BNC2: variants seen among roughly 807,000 people sequenced by gnomAD.
BNC2 encodes the protein basonuclin zinc finger protein 2, also known as zinc finger protein basonuclin-2.
BNC2 carries 20 observed loss-of-function variants against 76.3 expected under a neutral mutation model. That is an observed-to-expected ratio of 0.26 (90% CI 0.18 to 0.38). BNC2 has a LOEUF of 0.38. BNC2 is among the 10% of genes least tolerant of loss of function. BNC2 has a pLI of 1.00. For synonymous variants in BNC2, 582 were observed against 514.8 expected (o/e 1.13, Z -1.77); for missense variants, 1,382 against 1,399.8 (o/e 0.99, Z 0.20).
At chr9:16,469,355 G>A (rs1280904916) in intron 5 of BNC2, among the ~76,000 whole-genome samples, 3 of 152,142 alleles carry the variant, frequency 2.0e-5, no homozygotes, top group Admixed American at 6.5e-5. Flanking sequence ...TGCTGTTCTC[G>A]AGATAGTGAT....
chr9:16,603,740 A>C (rs1820303956), intron 3 of BNC2, among the ~76,000 whole-genome samples: 1 of 152,208 alleles, frequency 6.6e-6, no homozygotes, highest in South Asian at 2.1e-4. Context: ...CACTATCAAC[A>C]TCCCAAACCT....
intron 3 of BNC2, among the ~76,000 whole-genome samples, chr9:16,632,671 C>CT (rs1442599255): frequency 6.6e-6 from 1 of 152,194 alleles, no homozygotes; most frequent in African/African-American, 2.4e-5. Flanking sequence ...TAGAACACAT[C>CT]TTTGCTCACC....
chr9:16,629,154 C>A (rs970625703), intron 3 of BNC2, among the ~76,000 whole-genome samples: 4 of 152,130 alleles, frequency 2.6e-5, no homozygotes, highest in Admixed American at 6.6e-5. Context: ...GGAAGGTTTA[C>A]CTTTTATGTT....
chr9:16,420,645 T>A (rs1432801914), intron 6 of BNC2, among the ~76,000 whole-genome samples: 1 of 151,966 alleles, frequency 6.6e-6, no homozygotes, highest in Non-Finnish European at 1.5e-5. Flanking sequence ...TTTATTCTAC[T>A]CACTCAGTGC....
At chr9:16,863,080 A>G (rs561779765) in intron 1 of BNC2, among the ~76,000 whole-genome samples, 2 of 151,738 alleles carry the variant, frequency 1.3e-5, no homozygotes, top group South Asian at 4.2e-4. Flanking sequence ...ACGCCCAGCT[A>G]ATTTTTGTAT....
chr9:16,516,283 G>A (rs902759580), intron 5 of BNC2, among the ~76,000 whole-genome samples: 6 of 151,510 alleles, frequency 4.0e-5, no homozygotes, highest in South Asian at 2.1e-4. Flanking sequence ...TGTAGATAAC[G>A]TTCTTGTGAT....
At chr9:16,614,946 A>G (rs1466201617) in intron 3 of BNC2, among the ~76,000 whole-genome samples, 1 of 100,858 alleles carries the variant, frequency 9.9e-6, no homozygotes, top group Non-Finnish European at 1.9e-5. Flanking sequence ...ACAGAGTGAG[A>G]CTCTGTCTCT....
chr9:16,429,840 TGGA>T, intron 6 of BNC2: 1 of 455,756 alleles, frequency 2.2e-6, no homozygotes, highest in South Asian at 1.6e-5. Flanking sequence ...GTTCTTGTAG[TGGA>T]GGAGTGAAAG....
intron 1 of BNC2, among the ~76,000 whole-genome samples, chr9:16,847,389 G>A (rs546556684): frequency 3.0e-3 from 145 of 48,954 alleles, no homozygotes; most frequent in Non-Finnish European, 6.8e-3. Flanking sequence ...TCTCTCTGAA[G>A]ATTTCTCGGG....
chr9:16,779,964 T>C (rs4623533), intron 1 of BNC2, among the ~76,000 whole-genome samples: 70,959 of 151,852 alleles, frequency 0.47, 22,100 homozygotes, highest in Non-Finnish European at 0.7. Flanking sequence ...TGGCCGGGCG[T>C]GGTGGCTCAC....
chr9:16,811,298 C>CCCAGAA (rs1376280769), intron 1 of BNC2, among the ~76,000 whole-genome samples: 1 of 149,836 alleles, frequency 6.7e-6, no homozygotes, highest in Non-Finnish European at 1.5e-5. Context: ...CGCCTGTAAT[C>CCCAGAA]CCAGAACTTT....
intron 4 of BNC2, among the ~76,000 whole-genome samples, chr9:16,571,368 T>C (rs1011723094): frequency 3.9e-5 from 6 of 152,180 alleles, no homozygotes; most frequent in African/African-American, 1.4e-4. Flanking sequence ...TTCATTCACA[T>C]ATATATAGGA....
At chr9:16,626,478 TC>T (rs1820996060) in intron 3 of BNC2, 1 of 152,238 alleles carries the variant, frequency 6.6e-6, no homozygotes, top group South Asian at 2.1e-4. Flanking sequence ...CTCTCAGTTA[TC>T]CCCTCATTAT....
At chr9:16,506,513 CTTTTTTTTTTTTT>C (rs568955982) in intron 5 of BNC2, among the ~76,000 whole-genome samples, 44 of 43,350 alleles carry the variant, frequency 1.0e-3, no homozygotes, top group East Asian at 3.1e-3. Context: ...TCTCTCTCCT[CTTTTTTTTTTTTT>C]TTTTTTTTTT....
Position 16,706,790 on chromosome 9 carries a change from G to C in BNC2, c.330+21007C>G, listed in dbSNP as rs116044497. On this transcript the variant is annotated intron_variant, in intron 3 of 6. Coordinates refer to ENST00000380672, the MANE Select transcript of BNC2 (RefSeq NM_017637.6). ...TTTTTAAAAAAAAGGAATTATACTT[G>C]ACTGGGGGGAGGGGAGAATCAATCC... Among the ~76,000 whole-genome samples, 1,388 of 152,258 alleles carry C rather than the reference G, an allele frequency of 9.1e-3. 15 individuals carry two copies. The highest frequency in any genetic ancestry group is 0.031 in the African/African-American group (1,297 of 41,548).
chr9:16,760,003 G>A (rs1034108158), intron 1 of BNC2, among the ~76,000 whole-genome samples: 37 of 152,162 alleles, frequency 2.4e-4, no homozygotes, highest in African/African-American at 8.2e-4. Context: ...GATTACAGGC[G>A]TGAGCCACCG....
At chr9:16,610,872 T>C (rs1420099052) in intron 3 of BNC2, among the ~76,000 whole-genome samples, 3 of 152,224 alleles carry the variant, frequency 2.0e-5, no homozygotes, top group Non-Finnish European at 4.4e-5. Context: ...TTTGTCATGA[T>C]AAAGCAAGGA....
chr9:16,453,026 T>G (rs1051586498), intron 5 of BNC2, among the ~76,000 whole-genome samples: 1 of 152,150 alleles, frequency 6.6e-6, no homozygotes, highest in African/African-American at 2.4e-5. Flanking sequence ...ACTGGACGGA[T>G]TTAAACAATG....
In BNC2 at chr9:16,841,738, C is replaced by T. The variant is rs1396270485; in HGVS notation, c.3+28908G>A. On this transcript the variant is annotated intron_variant, in intron 1 of 6. Transcript: ENST00000380672. ...ATAAAAGATTAATCCATGAAAAGAGCTGCATGCATGATGACTGCCCATTGC... is the reference window on the plus strand; with the variant it reads ...ATAAAAGATTAATCCATGAAAAGAGTTGCATGCATGATGACTGCCCATTGC... Among the ~76,000 whole-genome samples the T allele has an allele frequency of 4.0e-5, 6 of 151,810 alleles. No individual in the cohort carries two copies. The South Asian group carries it at 8.3e-4, about 21-fold the overall frequency.
Sources: allele counts gnomAD v4.1 joint callset (sites outside exome capture counted in the v4.1 genomes callset), GRCh38; gene constraint gnomAD v4.1.1; transcripts MANE v1.5; gene names NCBI Gene and HGNC (gene_info 2026-07-23, HGNC 2026-07-21).